DHX37: variants seen among roughly 807,000 people sequenced by gnomAD.
DHX37 encodes DEAH-box helicase 37.
Under a neutral mutation model 134.3 loss-of-function variants are expected in DHX37, and 52 were observed. The observed-to-expected ratio is 0.39, with a 90% CI of 0.31 to 0.49. The LOEUF is 0.49. Ranked by LOEUF, DHX37 falls within the 20% of genes least tolerant of loss-of-function variation. DHX37 has a pLI of 0.93. For missense variants in DHX37, 1,344 were observed against 1,580.8 expected (o/e 0.85, Z 2.54); for synonymous variants, 634 against 670.7 (o/e 0.95, Z 0.85).
rs1954043700 is a variant in DHX37 at position 124,954,297 on chromosome 12, C to G, written c.2454-86G>C. On this transcript the variant is annotated intron_variant, in intron 18 of 26. Transcript: ENST00000308736. ...GGGGGAACTCCTTTATTCATCGGGA[C>G]AGGCTCAGAGGCCTTGTGGGGTCAC... 6.0e-6 allele frequency: 9 copies of G among 1,501,808 alleles called. No homozygotes were observed. In the East Asian group the frequency reaches 1.8e-4, roughly 31 times the overall value. The allele number at this position is 1,501,808 out of a possible 1,614,324, so 93.0% of individuals were successfully genotyped here.
Position 124,950,472 on chromosome 12 carries a change from G to T in DHX37, c.3062C>A (p.Pro1021Gln), listed in dbSNP as rs1353194025. Residue 1021 changes from proline (P) to glutamine (Q), a missense_variant, in exon 23 of 27, where the codon CCA becomes CAA. Transcript: ENST00000308736. ...YCQFDKPLEE[P>Q]APTYCPERGR... The stretch of plus-strand genomic sequence containing the variant: ...CCGCTCGGGGCAGTATGTAGGGGCT[G>T]GTTCCTCCAGGGGCTTGTCAAACTG... The T allele has an allele frequency of 6.3e-7, 1 of 1,584,204 alleles. No individual in the cohort carries two copies. The highest frequency in any genetic ancestry group is 1.8e-5 in the Admixed American group (1 of 55,372).
At chr12:124,960,070 C>T (rs1026885722) in intron 16 of DHX37, among the ~76,000 whole-genome samples, 2 of 152,224 alleles carry the variant, frequency 1.3e-5, no homozygotes, top group South Asian at 2.1e-4. Context: ...ACATGAACAG[C>T]GTGCAGGACC....
intron 15 of DHX37, among the ~76,000 whole-genome samples, chr12:124,961,611 T>C (rs1185232890): frequency 6.6e-6 from 1 of 152,170 alleles, no homozygotes; most frequent in African/African-American, 2.4e-5. Context: ...GTATTTTTAG[T>C]AGAGACAGGG....
At chr12:124,950,647 C>A in intron 22 of DHX37, 43 bp downstream of exon 22, 1 of 1,602,412 alleles carries the variant, frequency 6.2e-7, no homozygotes. Flanking sequence ...CCCCCATTAG[C>A]GTCACCATCG....
Position 124,980,853 on chromosome 12 carries a change from G to C in DHX37, c.390-15C>G, listed in dbSNP as rs1954745956. 6.5e-7 allele frequency: 1 copy of C among 1,544,636 alleles called. No individual in the cohort carries two copies. ...CGTCAGCCTTCCTGTTGAGATAGCA[G>C]AGACTTCAGGCACAGAGGCCCCACC... On this transcript the variant is annotated splice_polypyrimidine_tract_variant and intron_variant, in intron 3 of 26. Coordinates refer to ENST00000308736, the MANE Select transcript of DHX37 (RefSeq NM_032656.4). The surrounding 1 kb of genome is among the most constrained non-coding windows in gnomAD (Gnocchi z 5.3).
chr12:124,972,461 T>C (rs774170541), intron 7 of DHX37, 42 bp downstream of exon 7: 1 of 1,606,864 alleles, frequency 6.2e-7, no homozygotes, highest in South Asian at 1.1e-5. Flanking sequence ...CCCGCCCCCA[T>C]GCCCACTGGC....
In DHX37 at chr12:124,980,774, T is replaced by G. The variant is rs1412080419; in HGVS notation, c.454A>C (p.Lys152Gln). 11 of 1,557,198 alleles carry G rather than the reference T, an allele frequency of 7.1e-6. No homozygotes were observed. The highest frequency in any genetic ancestry group is 8.7e-6 in the Non-Finnish European group (10 of 1,153,216). The change falls in exon 4 of 27, where the codon AAG becomes CAG. Residue 152 changes from lysine (K) to glutamine (Q), a missense_variant. This residue lies in a region of DHX37 where 319 missense variants were observed against 296.1 expected (regional missense o/e 1.08). Transcript: ENST00000308736. This position sits in a 1 kb window ranked among gnomAD's most constrained non-coding sequence, Gnocchi z 5.3. Reference sequence around the variant, plus strand: ...TCAGCTGAGGGCCAGCGGCGACGCTTCCGGTGGGCACCGCTGAGGCTACTG... The same window carrying G: ...TCAGCTGAGGGCCAGCGGCGACGCTGCCGGTGGGCACCGCTGAGGCTACTG... ...KISSLSGAHR[K>Q]RRRWPSAEEE...
chr12:124,972,639 G>T (rs372550063), intron 6 of DHX37, 40 bp from the exon 7 acceptor site: 3 of 1,606,882 alleles, frequency 1.9e-6, no homozygotes. Flanking sequence ...AGCCGTGCCT[G>T]GCTGGGGCTG....
At chr12:124,975,668 G>A (rs1005178860) in intron 5 of DHX37, 157 bp from the exon 6 acceptor site, 7 of 260,146 alleles carry the variant, frequency 2.7e-5, no homozygotes, top group East Asian at 1.8e-4. Context: ...AACAGCAAAC[G>A]GAACAGCCCA....
rs147727115 is a variant in DHX37, at chr12:124,956,748, T to C, written c.2396A>G (p.Tyr799Cys). 2.5e-4 allele frequency: 396 copies of C among 1,607,912 alleles called. No homozygotes were observed. Among genetic ancestry groups the C allele is most frequent in the Non-Finnish European group, 3.1e-4 (364 of 1,175,532 alleles). Residue 799 changes from tyrosine (Y) to cysteine (C), a missense_variant, in exon 18 of 27, where the codon TAT becomes TGT. Tyr to Cys is a radical substitution (Grantham distance 194). This residue lies in a region of DHX37 where 558 missense variants were observed against 650.0 expected (regional missense o/e 0.86). Transcript: ENST00000308736. ...ALSRQHGCLP[Y>C]AITIVASMTV... ...CATGCTGGCCACGATGGTGATGGCA[T>C]AGGGCAGGCAGCCGTGTTGTCGGCT...
At chr12:124,987,552 G>A (rs1334076928) in intron 1 of DHX37, among the ~76,000 whole-genome samples, 1 of 152,150 alleles carries the variant, frequency 6.6e-6, no homozygotes, top group African/African-American at 2.4e-5. Flanking sequence ...TCTTTGAGGT[G>A]CCATCCTGAA....
At chr12:124,963,026 G>C (rs1256706765) in intron 15 of DHX37, among the ~76,000 whole-genome samples, 2 of 152,184 alleles carry the variant, frequency 1.3e-5, no homozygotes, top group African/African-American at 4.8e-5. Context: ...AATGAAACCG[G>C]AGCCAGACAA....
intron 18 of DHX37, among the ~76,000 whole-genome samples, chr12:124,955,586 C>T (rs1428682940): frequency 6.6e-6 from 1 of 152,252 alleles, no homozygotes; most frequent in Non-Finnish European, 1.5e-5. Context: ...GCTGGGATTA[C>T]AGGCGTGAGC....
chr12:124,957,849 C>T (rs377117160), intron 16 of DHX37, among the ~76,000 whole-genome samples: 49 of 152,140 alleles, frequency 3.2e-4, no homozygotes, highest in African/African-American at 1.2e-3. Context: ...GCAACCTGTG[C>T]GTCTCTGAAT....
chr12:124,973,971 G>A (rs1158329421), intron 6 of DHX37, among the ~76,000 whole-genome samples: 2 of 126,164 alleles, frequency 1.6e-5, no homozygotes, highest in Non-Finnish European at 3.2e-5. Context: ...TTTCTGAGAC[G>A]GAGTCTCGCT....
chr12:124,977,555 G>A (rs1594506703), intron 4 of DHX37, 65 bp from the exon 5 acceptor site: 2 of 1,488,658 alleles, frequency 1.3e-6, no homozygotes, highest in South Asian at 1.4e-5. Context: ...GGACCTCCAG[G>A]AAGGTGGCAG....
chr12:124,961,946 T>C (rs887465745), intron 15 of DHX37, among the ~76,000 whole-genome samples: 10 of 151,866 alleles, frequency 6.6e-5, no homozygotes, highest in African/African-American at 2.2e-4. Context: ...GAAGCTTTCA[T>C]ATTAAAAAAA....
Position 124,947,590 on chromosome 12 carries a change from A to C in DHX37, c.*212T>G. On this transcript the variant is annotated 3_prime_UTR_variant, in exon 27 of 27. Transcript: ENST00000308736. ...AATCATCATCCACCATATAATAAACAGTTCAAAAAGTCACCCCCGGGCCAG... is the reference window on the plus strand; with the variant it reads ...AATCATCATCCACCATATAATAAACCGTTCAAAAAGTCACCCCCGGGCCAG... The C allele has an allele frequency of 1.8e-6, 1 of 564,092 alleles. No homozygotes were observed. Among genetic ancestry groups the C allele is most frequent in the East Asian group, 2.9e-5 (1 of 34,858 alleles). The allele number at this position is 564,092 out of a possible 1,614,324, so 34.9% of individuals were successfully genotyped here. A position where few individuals can be genotyped will look rare whatever the true frequency, so the allele number is the denominator to read the frequency against.
At chr12:124,974,756 C>G (rs1019535569) in intron 6 of DHX37, among the ~76,000 whole-genome samples, 1 of 151,940 alleles carries the variant, frequency 6.6e-6, no homozygotes, top group African/African-American at 2.4e-5. Flanking sequence ...CAAAGCAAGT[C>G]CTACAGACTT....
Sources: allele counts gnomAD v4.1 joint callset (sites outside exome capture counted in the v4.1 genomes callset), GRCh38; gene constraint gnomAD v4.1.1; regional missense constraint gnomAD v4.1.1; non-coding constraint Gnocchi (gnomAD v3.1); transcripts MANE v1.5; gene names NCBI Gene and HGNC (gene_info 2026-07-23, HGNC 2026-07-21).